Variants in CNTN6 observed in about 807,000 individuals in gnomAD.
CNTN6 encodes the protein contactin 6.
A neutral mutation model predicts 122.8 loss-of-function variants in CNTN6; 137 were observed. That is an observed-to-expected ratio of 1.12 (90% CI 0.97 to 1.29). CNTN6 has a LOEUF of 1.29. CNTN6 is among the 50% of genes most tolerant of loss of function. The pLI is 0.00. For missense variants in CNTN6, 1,634 were observed against 1,223.4 expected (o/e 1.34, Z -5.01); for synonymous variants, 570 against 426.0 (o/e 1.34, Z -4.16).
At chr3:1,294,126 T>G (rs570852856) in intron 5 of CNTN6, among the ~76,000 whole-genome samples, 8 of 152,292 alleles carry the variant, frequency 5.3e-5, no homozygotes, top group Non-Finnish European at 1.0e-4. Flanking sequence ...AATAAAAATG[T>G]ATACAGACAG....
At chr3:1,309,522 G>GT (rs1431840769) in intron 7 of CNTN6, among the ~76,000 whole-genome samples, 7 of 152,166 alleles carry the variant, frequency 4.6e-5, no homozygotes, top group African/African-American at 1.7e-4. Context: ...CTCAATTACT[G>GT]TAGCTTTACG....
At chr3:1,217,528 G>T (rs1162521702) in intron 2 of CNTN6, among the ~76,000 whole-genome samples, 1 of 152,178 alleles carries the variant, frequency 6.6e-6, no homozygotes, top group Non-Finnish European at 1.5e-5. Context: ...AACACATGCT[G>T]GACCCATCAT....
At chr3:1,372,265 A>T in intron 12 of CNTN6, 34 bp from the exon 13 acceptor site, 1 of 1,537,862 alleles carries the variant, frequency 6.5e-7, no homozygotes, top group Admixed American at 2.0e-5. Context: ...CTAGCATTTC[A>T]TAAGCTTTAA....
intron 7 of CNTN6, among the ~76,000 whole-genome samples, chr3:1,301,778 T>C (rs1305352758): frequency 6.6e-6 from 1 of 152,194 alleles, no homozygotes; most frequent in East Asian, 1.9e-4. Context: ...TTTTGTGTAG[T>C]TGGAGTGCAG....
At chr3:1,135,081 C>CA (rs2092438273) in intron 1 of CNTN6, among the ~76,000 whole-genome samples, 1 of 152,116 alleles carries the variant, frequency 6.6e-6, no homozygotes, top group African/African-American at 2.4e-5. Flanking sequence ...AAATAACCCA[C>CA]CCACAACGAA....
chr3:1,338,220 G>A (rs265760), intron 11 of CNTN6, among the ~76,000 whole-genome samples: 73,304 of 151,954 alleles, frequency 0.48, 19,001 homozygotes, highest in Non-Finnish European at 0.59. Flanking sequence ...ATTAAACTGT[G>A]TCTTACAACA....
intron 7 of CNTN6, among the ~76,000 whole-genome samples, chr3:1,303,842 G>T (rs570783671): frequency 6.6e-6 from 1 of 152,210 alleles, no homozygotes; most frequent in Non-Finnish European, 1.5e-5. Context: ...GTGAATCCTC[G>T]AGTTTTCTGT....
chr3:1,245,306 A>AT (rs1319121810), intron 4 of CNTN6, among the ~76,000 whole-genome samples: 142 of 10,002 alleles, frequency 0.014, 11 homozygotes, highest in Non-Finnish European at 0.018. Context: ...ATATATATAT[A>AT]TATATATATA....
At position 1,277,346 on chromosome 3, in the gene CNTN6, C is replaced by CTTTTTTTTT. The variant is rs10599744; in HGVS notation, c.359-1044_359-1036dup. Among the ~76,000 whole-genome samples the CTTTTTTTTT allele has an allele frequency of 6.0e-3, 481 of 80,092 alleles. 70 individuals carry two copies. The highest frequency in any genetic ancestry group is 0.02 in the East Asian group (54 of 2,656). The allele number at this position is 80,092 out of a possible 152,430, so 52.5% of individuals were successfully genotyped here. A position where few individuals can be genotyped will look rare whatever the true frequency, so the allele number is the denominator to read the frequency against. On this transcript the variant is annotated intron_variant, in intron 4 of 22. Transcript: ENST00000446702. Reference sequence around the variant, plus strand: ...CTACTTCTGTCTTTTAGTAGGTTTTCTTTTTTTTTTTTTTTTTTTTTTTTT... The same window carrying CTTTTTTTTT: ...CTACTTCTGTCTTTTAGTAGGTTTTCTTTTTTTTTTTTTTTTTTTTTTTTTTTTTTTTTT...
chr3:1,345,441 C>T (rs902594755), intron 11 of CNTN6, among the ~76,000 whole-genome samples: 2 of 152,016 alleles, frequency 1.3e-5, no homozygotes, highest in African/African-American at 4.8e-5. Flanking sequence ...ATTAAAGTTA[C>T]TGACATAAAA....
chr3:1,205,114 T>G (rs2093940530), intron 2 of CNTN6, among the ~76,000 whole-genome samples: 1 of 152,166 alleles, frequency 6.6e-6, no homozygotes. Flanking sequence ...CTCAACATGC[T>G]GTTCCTGATT....
chr3:1,312,503 C>T (rs1434224404), intron 7 of CNTN6, among the ~76,000 whole-genome samples: 1 of 151,638 alleles, frequency 6.6e-6, no homozygotes, highest in Non-Finnish European at 1.5e-5. Flanking sequence ...TGTTTGTTTC[C>T]TATTTTCCAG....
At chr3:1,297,862 G>A (rs1230518510) in intron 6 of CNTN6, 27 bp from the exon 7 acceptor site, 1 of 1,552,750 alleles carries the variant, frequency 6.4e-7, no homozygotes, top group South Asian at 1.2e-5. Flanking sequence ...CTCCAGAAAT[G>A]CTGCTAGCTC....
intron 4 of CNTN6, among the ~76,000 whole-genome samples, chr3:1,255,647 C>T (rs1040651303): frequency 2.0e-5 from 3 of 151,754 alleles, no homozygotes; most frequent in African/African-American, 4.8e-5. Flanking sequence ...ATGATTTAAT[C>T]GATTATATAT....
chr3:1,136,071 T>C (rs1166036085), intron 1 of CNTN6, among the ~76,000 whole-genome samples: 1 of 152,158 alleles, frequency 6.6e-6, no homozygotes, highest in Admixed American at 6.5e-5. Flanking sequence ...CACCCAATTT[T>C]CCTGACCACT....
intron 4 of CNTN6, among the ~76,000 whole-genome samples, chr3:1,272,171 G>A (rs1374634380): frequency 6.6e-6 from 1 of 152,190 alleles, no homozygotes; most frequent in African/African-American, 2.4e-5. Context: ...GAGCCATGTG[G>A]AGCTGTGAGT....
chr3:1,371,807 A>G (rs1709054328), intron 12 of CNTN6, among the ~76,000 whole-genome samples: 1 of 152,170 alleles, frequency 6.6e-6, no homozygotes, highest in South Asian at 2.1e-4. Context: ...AGCTACGTCA[A>G]AGACAGAATA....
chr3:1,382,678 TG>T (rs1294082578), intron 17 of CNTN6, among the ~76,000 whole-genome samples: 3 of 152,318 alleles, frequency 2.0e-5, no homozygotes, highest in East Asian at 3.9e-4. Flanking sequence ...TTATAATTTA[TG>T]AATGATCAAA....
intron 1 of CNTN6, among the ~76,000 whole-genome samples, chr3:1,122,384 A>G (rs1274797953): frequency 5.7e-5 from 8 of 140,352 alleles, no homozygotes; most frequent in South Asian, 2.2e-4. Context: ...GGAAGGGAGG[A>G]ATGAAGGAGG....
Sources: gnomAD v4.1 joint callset for allele counts (sites outside exome capture counted in the v4.1 genomes callset) on GRCh38, gnomAD v4.1.1 for gene constraint, MANE v1.5 for transcripts, NCBI Gene and HGNC (gene_info 2026-07-23, HGNC 2026-07-21) for gene names.